DLG1: variants seen among roughly 807,000 people sequenced by gnomAD.
The protein encoded by DLG1 is discs large MAGUK scaffold protein 1, also known as disks large homolog 1.
Under a neutral mutation model 123.4 loss-of-function variants are expected in DLG1, and 42 were observed. The observed-to-expected ratio is 0.34, with a 90% CI of 0.27 to 0.44. The LOEUF is 0.44. Among genes scored for constraint, DLG1 ranks in the 20% least tolerant of loss-of-function variants. DLG1 has a pLI of 1.00. For missense variants in DLG1, 942 were observed against 1,082.6 expected, an observed-to-expected ratio of 0.87 and a Z score of 1.82; for synonymous variants, 317 against 356.2, an observed-to-expected ratio of 0.89 and a Z score of 1.24.
intron 10 of DLG1, among the ~76,000 whole-genome samples, chr3:197,131,946 T>C (rs868414144): frequency 2.0e-5 from 3 of 152,206 alleles, no homozygotes; most frequent in Non-Finnish European, 4.4e-5. Context: ...CTTATTGCCC[T>C]GGATAGAATC....
At chr3:197,159,183 T>C (rs1016715833) in intron 5 of DLG1, among the ~76,000 whole-genome samples, 4 of 152,164 alleles carry the variant, frequency 2.6e-5, no homozygotes, top group Admixed American at 1.3e-4. Context: ...TTCTGCAATA[T>C]TAAGCAGCCA....
rs541217615 is a variant in DLG1, at chr3:197,104,695, A to C, written c.1546+208T>G. 1.2e-4 allele frequency among the ~76,000 whole-genome samples: 19 copies of C among 152,164 alleles called. No individual in the cohort carries two copies. In the East Asian group the frequency reaches 2.1e-3, roughly 17 times the overall value. The stretch of plus-strand genomic sequence containing the variant: ...GGAACCCCGTCTCAACAAACAAAAA[A>C]CAAAAACCAAAAAAAACCAAAAAAA... On this transcript the variant is annotated intron_variant, in intron 14 of 24. Transcript: ENST00000667157.
intron 18 of DLG1, among the ~76,000 whole-genome samples, chr3:197,076,292 G>A (rs1036329217): frequency 2.6e-5 from 4 of 152,110 alleles, no homozygotes; most frequent in African/African-American, 9.7e-5. Flanking sequence ...TTGAATGTAT[G>A]AATGTGTTTT....
intron 7 of DLG1, 132 bp downstream of exon 7, chr3:197,142,586 C>A: frequency 3.6e-6 from 2 of 554,504 alleles, no homozygotes; most frequent in Non-Finnish European, 5.8e-6. Flanking sequence ...AATACCTTGG[C>A]CAATTTTATG....
At chr3:197,141,186 T>C (rs1364362920) in intron 7 of DLG1, among the ~76,000 whole-genome samples, 3 of 152,240 alleles carry the variant, frequency 2.0e-5, no homozygotes, top group African/African-American at 4.8e-5. Flanking sequence ...CTTAAAATTC[T>C]ATTTTAATAA....
chr3:197,236,274 C>A (rs1451957133), intron 4 of DLG1, among the ~76,000 whole-genome samples: 2 of 151,972 alleles, frequency 1.3e-5, no homozygotes, highest in African/African-American at 4.8e-5. Flanking sequence ...GATGGCACCA[C>A]TGCACTCCAT....
chr3:197,231,697 T>TA (rs11370331), intron 4 of DLG1, among the ~76,000 whole-genome samples: 21,289 of 126,628 alleles, frequency 0.17, 1,659 homozygotes, highest in African/African-American at 0.19. Flanking sequence ...CAGACCCTGT[T>TA]AAAAAAAAAA....
At chr3:197,085,457 T>C (rs1002126678) in intron 16 of DLG1, 123 bp downstream of exon 16, 27 of 971,032 alleles carry the variant, frequency 2.8e-5, no homozygotes, top group African/African-American at 4.9e-5. Context: ...TTTCTGTGTC[T>C]GGCTTTTTTC....
intron 23 of DLG1, among the ~76,000 whole-genome samples, chr3:197,059,469 C>T (rs956812257): frequency 1.1e-4 from 16 of 152,304 alleles, no homozygotes; most frequent in African/African-American, 3.8e-4. Flanking sequence ...TTTATACCAT[C>T]TCACTATTTA....
chr3:197,295,291 G>A (rs904794460), intron 3 of DLG1, among the ~76,000 whole-genome samples: 3 of 152,088 alleles, frequency 2.0e-5, no homozygotes, highest in Admixed American at 1.3e-4. Context: ...ACCGTAGAGA[G>A]CATCCATTTA....
rs1224825647 is a variant in DLG1 at position 197,101,844 on chromosome 3, T to G, written c.1546+3059A>C. Among the ~76,000 whole-genome samples, 3 of 152,176 alleles carry G rather than the reference T, an allele frequency of 2.0e-5. No homozygotes were observed. The East Asian group carries it at 5.8e-4, about 29-fold the overall frequency. ...TCTCACTCTGTCGCCCAGGCTCAAGTGCAGTGGTGAGATCATAGCAATCCT... is the reference window on the plus strand; with the variant it reads ...TCTCACTCTGTCGCCCAGGCTCAAGGGCAGTGGTGAGATCATAGCAATCCT... On this transcript the variant is annotated intron_variant, in intron 14 of 24. Transcript: ENST00000667157.
chr3:197,142,690 A>G (rs779040863), intron 7 of DLG1, 28 bp downstream of exon 7: 3 of 1,549,252 alleles, frequency 1.9e-6, no homozygotes, highest in African/African-American at 1.4e-5. Flanking sequence ...AGTTCTCTAG[A>G]ACAACAGATT....
At chr3:197,075,082 A>G (rs1396196820) in intron 18 of DLG1, among the ~76,000 whole-genome samples, 1 of 152,058 alleles carries the variant, frequency 6.6e-6, no homozygotes, top group Non-Finnish European at 1.5e-5. Flanking sequence ...ATTTGAAAAC[A>G]TGCAAATTAA....
At chr3:197,232,937 G>A (rs1578423985) in intron 4 of DLG1, among the ~76,000 whole-genome samples, 1 of 151,908 alleles carries the variant, frequency 6.6e-6, no homozygotes, top group East Asian at 1.9e-4. Context: ...CAGAAACAAA[G>A]AAGGATTTAC....
intron 13 of DLG1, among the ~76,000 whole-genome samples, chr3:197,114,237 C>T (rs6804801): frequency 0.76 from 114,876 of 151,998 alleles, 43,530 homozygotes; most frequent in East Asian, 0.82. Flanking sequence ...ACTCCTCTGA[C>T]TCAGTAGGCA....
At chr3:197,248,802 G>A (rs1171691515) in intron 4 of DLG1, among the ~76,000 whole-genome samples, 2 of 152,204 alleles carry the variant, frequency 1.3e-5, no homozygotes, top group African/African-American at 4.8e-5. Context: ...ACGGAGGCAT[G>A]CCTGGGTGTG....
At chr3:197,117,999 T>C (rs1231874328) in intron 12 of DLG1, among the ~76,000 whole-genome samples, 8 of 152,054 alleles carry the variant, frequency 5.3e-5, no homozygotes, top group Admixed American at 3.9e-4. Flanking sequence ...TTGATATTGG[T>C]AACATCTGAA....
chr3:197,251,266 T>C (rs1190292405), intron 4 of DLG1, among the ~76,000 whole-genome samples: 2 of 151,684 alleles, frequency 1.3e-5, no homozygotes, highest in Non-Finnish European at 2.9e-5. Flanking sequence ...CCTATCAAAT[T>C]ACCAATGACA....
chr3:197,066,969 C>G (rs755610913), intron 19 of DLG1, among the ~76,000 whole-genome samples: 1 of 151,954 alleles, frequency 6.6e-6, no homozygotes, highest in Non-Finnish European at 1.5e-5. Context: ...TACAAATGGG[C>G]TATATAATCA....
Sources: gnomAD v4.1 joint callset for allele counts (sites outside exome capture counted in the v4.1 genomes callset) on GRCh38, gnomAD v4.1.1 for gene constraint, MANE v1.5 for transcripts, NCBI Gene and HGNC (gene_info 2026-07-23, HGNC 2026-07-21) for gene names.